Variants in KIN observed in about 807,000 individuals in gnomAD.
KIN encodes DNA/RNA-binding protein KIN17.
KIN carries 47 observed loss-of-function variants against 63.0 expected under a neutral mutation model. That is an observed-to-expected ratio of 0.75 (90% CI 0.59 to 0.95). The LOEUF (loss-of-function observed/expected upper bound fraction) is 0.95, where lower values mean the gene tolerates loss of function less well. Among genes scored for constraint, KIN ranks in the 40% least tolerant of loss-of-function variants. The pLI, the probability that KIN is intolerant of heterozygous loss-of-function variation, is 0.00. For missense variants in KIN, 408 were observed against 460.9 expected (o/e 0.89, Z 1.05); for synonymous variants, 160 against 157.7 (o/e 1.01, Z -0.11).
chr10:7,759,458 C>A (rs1240276210), intron 12 of KIN, among the ~76,000 whole-genome samples: 2 of 152,196 alleles, frequency 1.3e-5, no homozygotes, highest in Non-Finnish European at 2.9e-5. Context: ...TCCCTCTTGA[C>A]AATGACTTTA....
At chr10:7,770,534 C>A (rs1277273632) in intron 7 of KIN, among the ~76,000 whole-genome samples, 2 of 152,284 alleles carry the variant, frequency 1.3e-5, no homozygotes, top group South Asian at 4.1e-4. Flanking sequence ...TCACACTGCA[C>A]CTTGTATGAT....
chr10:7,769,756 T>C (rs1325408445), intron 7 of KIN, among the ~76,000 whole-genome samples: 1 of 152,202 alleles, frequency 6.6e-6, no homozygotes, highest in Non-Finnish European at 1.5e-5. Flanking sequence ...TCTTCATCTA[T>C]AAACGAAGAT....
intron 8 of KIN, 106 bp downstream of exon 8, chr10:7,769,110 G>T: frequency 9.5e-7 from 1 of 1,057,182 alleles, no homozygotes; most frequent in Non-Finnish European, 1.4e-6. Flanking sequence ...CTATTCCCTA[G>T]TCCGTACATG....
chr10:7,769,284 A>G lies in KIN; in HGVS notation c.730T>C (p.Ser244Pro). 1 of 1,613,718 alleles carries G rather than the reference A, an allele frequency of 6.2e-7. No individual in the cohort carries two copies. The part of the protein sequence containing the change: ...GSSASVKRKE[S>P]SQSSTQSKEK... ...TTAGACTGAGTTGAGCTCTGGGAAG[A>G]TTCTTTTCGTTTCACTGATGCTGAA... The change falls in exon 8 of 13, where the codon TCT becomes CCT. Residue 244 changes from serine to proline, a missense_variant. Ser to Pro is a moderately conservative substitution (Grantham distance 74). This residue lies in a region of KIN where 298 missense variants were observed against 296.0 expected (regional missense o/e 1.01). Coordinates refer to ENST00000379562, the MANE Select transcript of KIN (RefSeq NM_012311.4).
chr10:7,780,776 C>G (rs754775894), intron 2 of KIN, among the ~76,000 whole-genome samples: 1 of 152,108 alleles, frequency 6.6e-6, no homozygotes, highest in Non-Finnish European at 1.5e-5. Flanking sequence ...AAAAACTGAT[C>G]AAGGAAAGAA....
chr10:7,751,907 C>A lies in KIN; in HGVS notation c.*4173G>T, dbSNP rs374133094. 3.4e-3 allele frequency: 7 copies of A among 2,072 alleles called. 3 individuals carry two copies. Among genetic ancestry groups the A allele is most frequent in the African/African-American group, 8.9e-3 (5 of 564 alleles). The allele number at this position is 2,072 out of a possible 1,614,324, so 0.1% of individuals were successfully genotyped here. On this transcript the variant is annotated 3_prime_UTR_variant, in exon 13 of 13. Transcript: ENST00000379562. ...AAAATTAGCCGGGCGCGGTGGCGGG[C>A]GCCTGTAGTCCCAGCTACTCGGGAG... is the stretch of plus-strand genomic sequence containing the variant.
intron 7 of KIN, among the ~76,000 whole-genome samples, chr10:7,772,672 G>A (rs1342914218): frequency 6.6e-6 from 1 of 152,224 alleles, no homozygotes; most frequent in African/African-American, 2.4e-5. Context: ...TCTTTCAATT[G>A]TATTACCCAT....
chr10:7,759,191 A>T (rs760636639), intron 12 of KIN, among the ~76,000 whole-genome samples: 1 of 152,190 alleles, frequency 6.6e-6, no homozygotes, highest in Admixed American at 6.5e-5. Context: ...AACTGACTGT[A>T]CTGGAGATAA....
At chr10:7,781,237 T>C (rs1181643374) in intron 2 of KIN, among the ~76,000 whole-genome samples, 2 of 152,110 alleles carry the variant, frequency 1.3e-5, no homozygotes, top group Non-Finnish European at 1.5e-5. Context: ...GAGAAAGCTA[T>C]TTCCAGCTGG....
Position 7,754,557 on chromosome 10 carries a change from C to CG in KIN, c.*1522dup, listed in dbSNP as rs1350092292. 1 of 152,148 alleles carries CG rather than the reference C, an allele frequency of 6.6e-6. No individual in the cohort carries two copies. Among genetic ancestry groups the CG allele is most frequent in the Non-Finnish European group, 1.5e-5 (1 of 68,702 alleles). The allele number at this position is 152,148 out of a possible 1,614,324, so 9.4% of individuals were successfully genotyped here. ...CTGAGGCAGGAGAATGGCTTGAACC[C>CG]GGGAGGTGGAGGTTGCAGTGAGCCG... On this transcript the variant is annotated 3_prime_UTR_variant, in exon 13 of 13. Coordinates refer to ENST00000379562, the MANE Select transcript of KIN (RefSeq NM_012311.4).
At chr10:7,765,844 A>G (rs1278607990) in intron 9 of KIN, among the ~76,000 whole-genome samples, 1 of 152,230 alleles carries the variant, frequency 6.6e-6, no homozygotes, top group South Asian at 2.1e-4. Flanking sequence ...AAAGAACATT[A>G]TTAGTCTATA....
At chr10:7,787,690 C>A (rs1313092299) in intron 1 of KIN, 130 bp downstream of exon 1, 9 of 712,742 alleles carry the variant, frequency 1.3e-5, no homozygotes. Context: ...TCGCCCACTG[C>A]AGACCTCAGA....
intron 2 of KIN, 53 bp downstream of exon 2, chr10:7,783,028 A>T (rs1425848479): frequency 2.3e-6 from 2 of 863,758 alleles, no homozygotes; most frequent in Non-Finnish European, 3.6e-6. Context: ...ACCATCTATT[A>T]AATGTTCAAC....
intron 7 of KIN, among the ~76,000 whole-genome samples, chr10:7,770,191 A>C (rs1835639267): frequency 6.6e-6 from 1 of 152,218 alleles, no homozygotes; most frequent in Non-Finnish European, 1.5e-5. Flanking sequence ...TTGGCCTCCC[A>C]AAGTGCTGGG....
chr10:7,758,621 C>G (rs1835378072), intron 12 of KIN, among the ~76,000 whole-genome samples: 1 of 149,198 alleles, frequency 6.7e-6, no homozygotes, highest in Admixed American at 6.7e-5. Context: ...GAAACAGGAT[C>G]TGCATTTGAT....
intron 1 of KIN, among the ~76,000 whole-genome samples, chr10:7,786,603 A>C (rs1836014423): frequency 6.6e-6 from 1 of 152,044 alleles, no homozygotes; most frequent in Non-Finnish European, 1.5e-5. Context: ...GTATCTCAAA[A>C]AAAAAAAGAG....
At chr10:7,775,655 G>T in intron 6 of KIN, 96 bp downstream of exon 6, 1 of 609,428 alleles carries the variant, frequency 1.6e-6, no homozygotes, top group South Asian at 2.1e-5. Context: ...CACATTCGAT[G>T]TCTTATTCTC....
At chr10:7,759,868 G>T (rs1214420103) in intron 12 of KIN, 22 bp downstream of exon 12, 2 of 1,173,862 alleles carry the variant, frequency 1.7e-6, no homozygotes, top group African/African-American at 1.5e-5. Flanking sequence ...TGAAATTTCT[G>T]TCTTTGTGTA....
At position 7,754,319 on chromosome 10, in the gene KIN, A is replaced by C. The variant is rs1376335416; in HGVS notation, c.*1761T>G. On this transcript the variant is annotated 3_prime_UTR_variant, in exon 13 of 13. Transcript: ENST00000379562. ...CACTGCACTCCAGGCTGGATGACAG[A>C]GCAAGACCCTATCTCAAAAAACAGA... The C allele has an allele frequency of 3.3e-6, 1 of 306,602 alleles. No individual in the cohort carries two copies. The highest frequency in any genetic ancestry group is 6.5e-6 in the Non-Finnish European group (1 of 153,356). 19.0% of individuals were successfully genotyped at this position (306,602 alleles called of 1,614,324 possible).
Sources: gnomAD v4.1 joint callset for allele counts (sites outside exome capture counted in the v4.1 genomes callset) on GRCh38, gnomAD v4.1.1 for gene constraint, gnomAD v4.1.1 regional missense constraint, MANE v1.5 for transcripts, NCBI Gene and HGNC (gene_info 2026-07-23, HGNC 2026-07-21) for gene names.